Variants in SCAMP5 observed in about 807,000 individuals in gnomAD.
SCAMP5 encodes secretory carrier-associated membrane protein 5.
A neutral mutation model predicts 28.3 loss-of-function variants in SCAMP5; 7 were observed. The observed-to-expected ratio is 0.25, with a 90% confidence interval of 0.14 to 0.46. The LOEUF is 0.46. Among genes scored for constraint, SCAMP5 ranks in the 20% least tolerant of loss-of-function variants. The probability of loss-of-function intolerance (pLI) is 0.99; values close to 1 mark genes in which losing one functional copy is unlikely to be tolerated. For synonymous variants in SCAMP5, 117 were observed against 116.4 expected, an observed-to-expected ratio of 1.00 and a Z score of -0.03; for missense variants, 192 against 312.5, an observed-to-expected ratio of 0.61 and a Z score of 2.91.
intron 1 of SCAMP5, among the ~76,000 whole-genome samples, chr15:75,001,148 T>C (rs1595880416): frequency 1.3e-5 from 2 of 150,234 alleles, no homozygotes; most frequent in South Asian, 2.1e-4. Context: ...GTGGCGGGTG[T>C]CTGTAGTCCC....
chr15:75,012,929 C>G (rs974966847), intron 3 of SCAMP5, 124 bp downstream of exon 3: 9 of 919,762 alleles, frequency 9.8e-6, no homozygotes, highest in Non-Finnish European at 1.5e-5. Flanking sequence ...GTGGCATATG[C>G]ATGGACCATA....
chr15:74,998,332 G>A (rs563113522), intron 1 of SCAMP5, among the ~76,000 whole-genome samples: 4 of 152,288 alleles, frequency 2.6e-5, no homozygotes, highest in Admixed American at 6.5e-5. Flanking sequence ...TTTGGCCGGC[G>A]CGGTGGCTCA....
intron 1 of SCAMP5, 119 bp downstream of exon 1, chr15:74,995,792 G>A (rs1285813835): frequency 6.6e-6 from 1 of 152,608 alleles, no homozygotes; most frequent in Non-Finnish European, 1.5e-5. Context: ...TTGGATGCAG[G>A]AAGAAGGCCG....
rs1271863573 is a variant in SCAMP5 at position 75,020,628 on chromosome 15, G to C, written c.*1645G>C. ...TCCAAGCAGTGTGAGAACATGGCTGGTAGAGGCTCTAGCTGTGTGCGGGGC... is the reference window on the plus strand; with the variant it reads ...TCCAAGCAGTGTGAGAACATGGCTGCTAGAGGCTCTAGCTGTGTGCGGGGC... On this transcript the variant is annotated 3_prime_UTR_variant, in exon 7 of 7. Transcript: ENST00000425597. The C allele has an allele frequency of 6.6e-6, 1 of 152,244 alleles. No individual in the cohort carries two copies. Among genetic ancestry groups the C allele is most frequent in the African/African-American group, 2.4e-5 (1 of 41,452 alleles). 9.4% of individuals were successfully genotyped at this position (152,244 alleles called of 1,614,324 possible).
intron 1 of SCAMP5, among the ~76,000 whole-genome samples, chr15:75,004,124 G>A (rs556996102): frequency 1.6e-4 from 25 of 152,014 alleles, no homozygotes; most frequent in African/African-American, 6.0e-4. Context: ...GGCTGGTCTT[G>A]AACTCCCGAC....
At chr15:75,004,170 C>T (rs573627616) in intron 1 of SCAMP5, among the ~76,000 whole-genome samples, 2 of 152,188 alleles carry the variant, frequency 1.3e-5, no homozygotes, top group South Asian at 4.2e-4. Context: ...TCCCAAAGTG[C>T]TGGTATTACA....
chr15:75,011,460 G>A (rs564000443), intron 1 of SCAMP5, among the ~76,000 whole-genome samples: 11 of 152,312 alleles, frequency 7.2e-5, no homozygotes, highest in Admixed American at 2.0e-4. Flanking sequence ...GACCAAGGCC[G>A]AGGCTCAGTC....
rs1567033550 is a variant in SCAMP5, at chr15:75,018,359, G to GC, written c.396-59_396-58insC. ...CAATGAGACGGTCCCTTCCTCTAGC[G>GC]GGGGGCTCCTGGGCACCTCTTATCC... is the stretch of plus-strand genomic sequence containing the variant. On this transcript the variant is annotated intron_variant, in intron 5 of 6. Coordinates refer to ENST00000425597, the MANE Select transcript of SCAMP5 (RefSeq NM_138967.4). This position sits in a 1 kb window ranked among gnomAD's most constrained non-coding sequence, Gnocchi z 5.6. 9.8e-7 allele frequency: 1 copy of GC among 1,017,292 alleles called. No individual in the cohort carries two copies. The highest frequency in any genetic ancestry group is 1.6e-6 in the Non-Finnish European group (1 of 635,776). The allele number at this position is 1,017,292 out of a possible 1,614,324, so 63.0% of individuals were successfully genotyped here. A position where few individuals can be genotyped will look rare whatever the true frequency, so the allele number is the denominator to read the frequency against.
At chr15:75,008,418 C>T (rs935928125) in intron 1 of SCAMP5, among the ~76,000 whole-genome samples, 1 of 150,596 alleles carries the variant, frequency 6.6e-6, no homozygotes, top group Admixed American at 6.6e-5. Flanking sequence ...ATATGATTTA[C>T]ACTTTTTGTG....
intron 1 of SCAMP5, 51 bp from the exon 2 acceptor site, chr15:75,011,741 G>A (rs1686690994): frequency 6.0e-6 from 6 of 991,830 alleles, no homozygotes; most frequent in Non-Finnish European, 9.5e-6. Flanking sequence ...AGAGGGACTG[G>A]GTTGGGTGTG....
chr15:75,017,798 G>A (rs757537039), intron 4 of SCAMP5, 72 bp from the exon 5 acceptor site: 3 of 944,512 alleles, frequency 3.2e-6, no homozygotes, highest in South Asian at 1.3e-5. Context: ...ACTTGGAAGG[G>A]CTTGGGGGCC....
Position 75,012,955 on chromosome 15 carries a change from G to A in SCAMP5, c.136+150G>A, listed in dbSNP as rs2065826075. 3 of 707,768 alleles carry A rather than the reference G, an allele frequency of 4.2e-6. No homozygotes were observed. The East Asian group carries it at 8.2e-5, about 19-fold the overall frequency. 43.8% of individuals were successfully genotyped at this position (707,768 alleles called of 1,614,324 possible). ...ATGGACCATAAGTCTTCCCCTGCCA[G>A]GCTCCCAGAGGCTTCTTCCATGGGC... On this transcript the variant is annotated intron_variant, in intron 3 of 6. Transcript: ENST00000425597.
chr15:75,003,850 T>C (rs2065731754), intron 1 of SCAMP5, among the ~76,000 whole-genome samples: 1 of 152,018 alleles, frequency 6.6e-6, no homozygotes, highest in African/African-American at 2.4e-5. Flanking sequence ...AACAACTGTA[T>C]ACCCTTCTCC....
At chr15:75,009,935 T>G (rs1011752754) in intron 1 of SCAMP5, 2 of 152,228 alleles carry the variant, frequency 1.3e-5, no homozygotes, top group African/African-American at 2.4e-5. Context: ...CGCTGCCCCA[T>G]CAAGGGTAAT....
At chr15:75,008,673 T>C (rs2141440118) in intron 1 of SCAMP5, among the ~76,000 whole-genome samples, 1 of 152,198 alleles carries the variant, frequency 6.6e-6, no homozygotes, top group Admixed American at 6.5e-5. Context: ...CTAATTTTTG[T>C]ATTTTTTTGG....
chr15:75,001,541 T>C (rs1208549108), intron 1 of SCAMP5, among the ~76,000 whole-genome samples: 3 of 152,012 alleles, frequency 2.0e-5, no homozygotes, highest in African/African-American at 7.2e-5. Context: ...TTTGGGAGGC[T>C]GAGGCGGGTG....
chr15:75,016,663 C>T lies in SCAMP5; in HGVS notation c.207C>T (p.Thr69=), dbSNP rs2065862370. Reference sequence around the variant, plus strand: ...GGCTGATCGGAGGCGGGGGAGCCACCAACTTTGGCCTCGCCTTTCTCTGGC... The same window carrying T: ...GGCTGATCGGAGGCGGGGGAGCCACTAACTTTGGCCTCGCCTTTCTCTGGC... ...LAWLIGGGGA[T]NFGLAFLWLI... Residue 69 remains threonine, a synonymous_variant, in exon 4 of 7, where the codon ACC becomes ACT. Coordinates refer to ENST00000425597, the MANE Select transcript of SCAMP5 (RefSeq NM_138967.4). The T allele has an allele frequency of 6.2e-7, 1 of 1,613,712 alleles. No homozygotes were observed. Among genetic ancestry groups the T allele is most frequent in the Non-Finnish European group, 8.5e-7 (1 of 1,179,836 alleles).
intron 1 of SCAMP5, among the ~76,000 whole-genome samples, chr15:75,000,017 T>C (rs2065688938): frequency 6.6e-6 from 1 of 152,200 alleles, no homozygotes; most frequent in Non-Finnish European, 1.5e-5. Flanking sequence ...ATTTTTGTCA[T>C]ATATGATTCT....
intron 1 of SCAMP5, among the ~76,000 whole-genome samples, chr15:75,004,546 A>G (rs1203198623): frequency 6.6e-6 from 1 of 151,476 alleles, no homozygotes; most frequent in Non-Finnish European, 1.5e-5. Context: ...CCTAGGCAAC[A>G]TGGCGAAACC....
Sources: gnomAD v4.1 joint callset for allele counts (sites outside exome capture counted in the v4.1 genomes callset) on GRCh38, gnomAD v4.1.1 for gene constraint, Gnocchi (gnomAD v3.1) non-coding constraint, MANE v1.5 for transcripts, NCBI Gene and HGNC (gene_info 2026-07-23, HGNC 2026-07-21) for gene names.